Variants in CDH20 observed in about 807,000 individuals in gnomAD.
CDH20 encodes the protein cadherin-20.
CDH20 carries 29 observed loss-of-function variants against 74.2 expected under a neutral mutation model. That is an observed-to-expected ratio of 0.39 (90% CI 0.29 to 0.53). The LOEUF is 0.53. Ranked by LOEUF, CDH20 falls within the 20% of genes least tolerant of loss-of-function variation. The pLI, the probability that CDH20 is intolerant of heterozygous loss-of-function variation, is 0.69. For missense variants in CDH20, 988 were observed against 1,048.3 expected (o/e 0.94, Z 0.79); for synonymous variants, 469 against 405.4 (o/e 1.16, Z -1.88).
At chr18:61,509,232 A>T (rs946950653) in intron 6 of CDH20, among the ~76,000 whole-genome samples, 4 of 152,226 alleles carry the variant, frequency 2.6e-5, no homozygotes, top group Admixed American at 1.3e-4. Context: ...GAAAAACAAA[A>T]TTAAATAAAT....
chr18:61,394,169 C>G (rs570854566), intron 1 of CDH20, among the ~76,000 whole-genome samples: 1 of 152,232 alleles, frequency 6.6e-6, no homozygotes, highest in South Asian at 2.1e-4. Flanking sequence ...CAGAAAGTGC[C>G]TTGAATGCTC....
rs1486952158 is a variant in CDH20 at position 61,468,754 on chromosome 18, C to A, written c.-152-21648C>A. Among the ~76,000 whole-genome samples the A allele has an allele frequency of 4.6e-5, 7 of 152,280 alleles. No homozygotes were observed. In the East Asian group the frequency reaches 1.4e-3, roughly 29 times the overall value. Reference sequence around the variant, plus strand: ...CCATGACCTGTGGGGGCCCCAGTGCCCATTTATTGTAAACTATGGATTGTG... The same window carrying A: ...CCATGACCTGTGGGGGCCCCAGTGCACATTTATTGTAAACTATGGATTGTG... On this transcript the variant is annotated intron_variant, in intron 1 of 11. Transcript: ENST00000262717.
intron 1 of CDH20, among the ~76,000 whole-genome samples, chr18:61,465,218 C>A (rs970014420): frequency 6.6e-6 from 1 of 152,124 alleles, no homozygotes; most frequent in Non-Finnish European, 1.5e-5. Flanking sequence ...GGAACTGGAA[C>A]ACCTTACTTT....
At chr18:61,346,144 A>G (rs1436550111) in intron 1 of CDH20, among the ~76,000 whole-genome samples, 1 of 152,214 alleles carries the variant, frequency 6.6e-6, no homozygotes, top group Non-Finnish European at 1.5e-5. Flanking sequence ...CTAGGACAGG[A>G]GTAAGTGAGA....
chr18:61,445,493 C>T (rs1909170106), intron 1 of CDH20, among the ~76,000 whole-genome samples: 1 of 152,094 alleles, frequency 6.6e-6, no homozygotes, highest in Non-Finnish European at 1.5e-5. Flanking sequence ...TAATTACTTC[C>T]AAATGTCACA....
intron 10 of CDH20, chr18:61,549,776 G>C (rs954480880): frequency 1.2e-5 from 7 of 584,418 alleles, no homozygotes; most frequent in Non-Finnish European, 2.1e-5. Context: ...TAGGCCTCAG[G>C]GTTTTGCCTA....
In CDH20 at chr18:61,554,634, C is replaced by A; in HGVS notation, c.2345C>A (p.Pro782His). Reference protein sequence around the residue: ...QSFDFLTDWGPRFRKLAELYG... With the variant: ...QSFDFLTDWGHRFRKLAELYG... ...TTCGACTTCCTGACGGACTGGGGGC[C>A]CCGCTTCCGGAAGCTGGCCGAGCTC... Residue 782 changes from proline (P) to histidine (H), a missense_variant, in exon 12 of 12, where the codon CCC becomes CAC. Pro to His is a moderately conservative substitution (Grantham distance 77). This residue lies in a region of CDH20 where 375 missense variants were observed against 293.1 expected (regional missense o/e 1.28). Transcript: ENST00000262717. The A allele has an allele frequency of 6.2e-7, 1 of 1,602,426 alleles. No individual in the cohort carries two copies. The highest frequency in any genetic ancestry group is 8.5e-7 in the Non-Finnish European group (1 of 1,175,044).
At chr18:61,396,654 A>C (rs1911990267) in intron 1 of CDH20, among the ~76,000 whole-genome samples, 1 of 152,206 alleles carries the variant, frequency 6.6e-6, no homozygotes, top group South Asian at 2.1e-4. Flanking sequence ...ATTTTTAGCA[A>C]ACCTGGAAGA....
intron 4 of CDH20, among the ~76,000 whole-genome samples, chr18:61,502,617 T>G (rs767764548): frequency 9.9e-5 from 15 of 152,132 alleles, no homozygotes; most frequent in Non-Finnish European, 1.5e-4. Context: ...CCAGTTTTCC[T>G]TGGTGAGACA....
rs554154051 is a variant in CDH20, at chr18:61,530,027, T to C, written c.1271+1807T>C. On this transcript the variant is annotated intron_variant, in intron 7 of 11. Transcript: ENST00000262717. ...TGGGGCAGGACTGCAGATCCTGAGA[T>C]GAAAATTGGTGAGAACAAGGCCACA... Among the ~76,000 whole-genome samples the C allele has an allele frequency of 2.8e-4, 43 of 152,144 alleles. No homozygotes were observed. The South Asian group carries it at 6.6e-3, about 23-fold the overall frequency.
chr18:61,345,626 G>A (rs564446049), intron 1 of CDH20, among the ~76,000 whole-genome samples: 60 of 152,114 alleles, frequency 3.9e-4, no homozygotes, highest in Non-Finnish European at 2.9e-4. Flanking sequence ...TTAGCACATC[G>A]ATGTTTCTCC....
chr18:61,487,275 T>C (rs1910801163), intron 1 of CDH20, among the ~76,000 whole-genome samples: 1 of 152,162 alleles, frequency 6.6e-6, no homozygotes, highest in Admixed American at 6.5e-5. Context: ...TCATATCCTC[T>C]AGGGAAAAAC....
chr18:61,418,576 AGCTTCCTT>A (rs1912776633), intron 1 of CDH20, among the ~76,000 whole-genome samples: 1 of 141,806 alleles, frequency 7.1e-6, no homozygotes, highest in East Asian at 2.1e-4. Flanking sequence ...AAAAAAAAAA[AGCTTCCTT>A]ATATGCATGT....
chr18:61,456,563 G>C (rs1167800204), intron 1 of CDH20, among the ~76,000 whole-genome samples: 2 of 151,874 alleles, frequency 1.3e-5, no homozygotes, highest in African/African-American at 4.8e-5. Context: ...AAAAAGTTTG[G>C]AGAAAGATGT....
intron 1 of CDH20, among the ~76,000 whole-genome samples, chr18:61,380,665 C>T (rs1221801696): frequency 6.6e-6 from 1 of 152,046 alleles, no homozygotes; most frequent in Non-Finnish European, 1.5e-5. Context: ...CAAAATTAGC[C>T]CAGCGTGGTG....
chr18:61,488,217 C>T (rs189372831), intron 1 of CDH20, among the ~76,000 whole-genome samples: 46 of 152,168 alleles, frequency 3.0e-4, no homozygotes, highest in African/African-American at 1.0e-3. Flanking sequence ...TCAAATGGAA[C>T]GCAAGTGTTT....
At chr18:61,359,219 TCC>T (rs757648975) in intron 1 of CDH20, among the ~76,000 whole-genome samples, 1 of 152,104 alleles carries the variant, frequency 6.6e-6, no homozygotes, top group African/African-American at 2.4e-5. Flanking sequence ...CATTTTGCAT[TCC>T]CTATAATACA....
At chr18:61,412,516 T>C (rs867149654) in intron 1 of CDH20, among the ~76,000 whole-genome samples, 44 of 152,052 alleles carry the variant, frequency 2.9e-4, no homozygotes, top group Middle Eastern at 3.4e-3. Flanking sequence ...CCAAAAAAGA[T>C]TATAACAGGT....
At chr18:61,354,127 A>G (rs991744079) in intron 1 of CDH20, among the ~76,000 whole-genome samples, 1 of 152,158 alleles carries the variant, frequency 6.6e-6, no homozygotes, top group Non-Finnish European at 1.5e-5. Flanking sequence ...AGGGCACAGC[A>G]GCCATTCAGG....
Sources: allele counts gnomAD v4.1 joint callset (sites outside exome capture counted in the v4.1 genomes callset), GRCh38; gene constraint gnomAD v4.1.1; regional missense constraint gnomAD v4.1.1; transcripts MANE v1.5; gene names NCBI Gene and HGNC (gene_info 2026-07-23, HGNC 2026-07-21).